RNF213: variants seen among roughly 807,000 people sequenced by gnomAD.
RNF213 encodes the protein ring finger protein 213, also known as E3 ubiquitin-protein ligase RNF213.
A neutral mutation model predicts 514.4 loss-of-function variants in RNF213; 341 were observed. That is an observed-to-expected ratio of 0.66 (90% confidence interval 0.61 to 0.73). The LOEUF is 0.73. Ranked by LOEUF, RNF213 falls within the 30% of genes least tolerant of loss-of-function variation. The probability of loss-of-function intolerance (pLI) is 0.00; values close to 1 mark genes in which losing one functional copy is unlikely to be tolerated. For synonymous variants in RNF213, 2,655 were observed against 2,658.2 expected (o/e 1.00, Z 0.04); for missense variants, 5,767 against 6,615.6 (o/e 0.87, Z 4.45).
chr17:80,364,398 C>CGAGT (rs563890194), intron 41 of RNF213, 35 bp from the exon 42 acceptor site: 36 of 1,613,430 alleles, frequency 2.2e-5, no homozygotes, highest in Middle Eastern at 1.7e-4. Context: ...TGGTGGGAGC[C>CGAGT]GAGTGAGTGA....
intron 57 of RNF213, 55 bp downstream of exon 57, chr17:80,381,782 G>A: frequency 2.0e-6 from 3 of 1,537,802 alleles, no homozygotes; most frequent in Middle Eastern, 1.7e-4. Context: ...GGCAGCGCAA[G>A]CAGGCTCGCT....
chr17:80,286,407 T>C (rs575031878), intron 3 of RNF213, among the ~76,000 whole-genome samples: 67 of 152,052 alleles, frequency 4.4e-4, no homozygotes, highest in Non-Finnish European at 6.2e-4. Flanking sequence ...CCATGTGTGA[T>C]AGAGAAGGGG....
rs770574711 is a variant in RNF213 at position 80,306,360 on chromosome 17, T to C, written c.2319T>C (p.Tyr773=). The C allele has an allele frequency of 2.5e-6, 4 of 1,614,072 alleles. No homozygotes were observed. In the African/African-American group the frequency reaches 4.0e-5, roughly 16 times the overall value. ...TACCTCTGAGTCACCTGGTTATGTA[T>C]ATGGAAAACTTCATTGAGCACCTGG... ...SLLPLSHLVM[Y]MENFIEHLGR... is the part of the protein sequence containing the mutation. Residue 773 remains tyrosine, a synonymous_variant, in exon 12 of 68, where the codon TAT becomes TAC. Coordinates refer to ENST00000582970, the MANE Select transcript of RNF213 (RefSeq NM_001256071.3).
intron 64 of RNF213, 46 bp from the exon 65 acceptor site, chr17:80,389,127 A>G: frequency 6.3e-7 from 1 of 1,589,264 alleles, no homozygotes; most frequent in East Asian, 2.2e-5. Context: ...GTGAGATGCC[A>G]GAAACCCAGC....
At chr17:80,342,787 A>G (rs1193382652) in intron 26 of RNF213, among the ~76,000 whole-genome samples, 1 of 148,046 alleles carries the variant, frequency 6.8e-6, no homozygotes, top group Non-Finnish European at 1.5e-5. Context: ...TTTGAGACAG[A>G]GTTTCGCTCT....
intron 20 of RNF213, among the ~76,000 whole-genome samples, chr17:80,330,275 T>A (rs2046377766): frequency 6.6e-6 from 1 of 152,218 alleles, no homozygotes; most frequent in Admixed American, 6.5e-5. Context: ...TCCTTTCACT[T>A]GTTGATTTGT....
At chr17:80,355,980 C>T (rs1422263462) in intron 36 of RNF213, among the ~76,000 whole-genome samples, 3 of 150,428 alleles carry the variant, frequency 2.0e-5, no homozygotes, top group Admixed American at 6.6e-5. Flanking sequence ...CATTTCCCTC[C>T]GTTCCTCCTT....
chr17:80,311,033 G>A (rs928980863), intron 14 of RNF213, among the ~76,000 whole-genome samples: 5 of 152,164 alleles, frequency 3.3e-5, no homozygotes, highest in Admixed American at 2.0e-4. Flanking sequence ...TATTTAAACC[G>A]CCACAGGCAG....
rs773619642 is a variant in RNF213 at position 80,288,887 on chromosome 17, C to T, written c.933+132C>T. 18 of 1,479,228 alleles carry T rather than the reference C, an allele frequency of 1.2e-5. No homozygotes were observed. Among genetic ancestry groups the T allele is most frequent in the South Asian group, 5.8e-5 (5 of 86,096 alleles). The allele number at this position is 1,479,228 out of a possible 1,614,324, so 91.6% of individuals were successfully genotyped here. Reference sequence around the variant, plus strand: ...ATGATTCAGACAAAGCTCTGGCCTTCGGGGTGCTCACATTCCAGCGGAGAG... The same window carrying T: ...ATGATTCAGACAAAGCTCTGGCCTTTGGGGTGCTCACATTCCAGCGGAGAG... On this transcript the variant is annotated intron_variant, in intron 5 of 67. Transcript: ENST00000582970. This position sits in a 1 kb window ranked among gnomAD's most constrained non-coding sequence, Gnocchi z 4.9.
chr17:80,319,208 A>G lies in RNF213; in HGVS notation c.2920A>G (p.Ile974Val), dbSNP rs766100470. The G allele has an allele frequency of 5.0e-6, 8 of 1,614,212 alleles. No homozygotes were observed. In the Admixed American group the frequency reaches 1.3e-4, roughly 27 times the overall value. ...TTTGCAGGAGGAACCCCTCTCCCAG[A>G]TCACTGCCTACTGCAATAGTTGCTG... ...RLTKEEPLSQ[I>V]TAYCNSCWDT... The change falls in exon 17 of 68, where the codon ATC becomes GTC. Residue 974 changes from isoleucine (I) to valine (V), a missense_variant. This residue lies in a region of RNF213 where 516 missense variants were observed against 566.5 expected (regional missense o/e 0.91). Coordinates refer to ENST00000582970, the MANE Select transcript of RNF213 (RefSeq NM_001256071.3).
In RNF213 at chr17:80,290,726, C is replaced by T. The variant is rs1475572337; in HGVS notation, c.1269C>T (p.Thr423=). The T allele has an allele frequency of 2.5e-6, 4 of 1,613,968 alleles. No homozygotes were observed. The African/African-American group carries it at 5.3e-5, about 22-fold the overall frequency. ...GCAATATCTGTGAGCTGCACTACAC[C>T]AGGTGAGCGTGTCTGTAGGCTTGGG... ...WDSNICELHY[T]RDLGHDRVLV... The change falls in exon 7 of 68, where the codon ACC becomes ACT. Residue 423 remains threonine (T), a splice_region_variant and synonymous_variant. Transcript: ENST00000582970.
chr17:80,321,821 G>GTTCAAGCAAT (rs1361831945), intron 17 of RNF213, among the ~76,000 whole-genome samples: 1 of 151,948 alleles, frequency 6.6e-6, no homozygotes, highest in Non-Finnish European at 1.5e-5. Context: ...CACCTCCTGG[G>GTTCAAGCAAT]TTCAAGCAAT....
chr17:80,334,207 A>C lies in RNF213; in HGVS notation c.4246A>C (p.Lys1416Gln). The change falls in exon 22 of 68, where the codon AAG becomes CAG. Residue 1416 changes from lysine to glutamine, a missense_variant. Coordinates refer to ENST00000582970, the MANE Select transcript of RNF213 (RefSeq NM_001256071.3). Reference protein sequence around the residue: ...LLQDISEARCKGLQALSLRKE... With the variant: ...LLQDISEARCQGLQALSLRKE... ...CCAGGACATCAGCGAGGCCCGGTGCAAGGGGCTGCAGGCTCTGTCCCTGAG... is the reference window on the plus strand; with the variant it reads ...CCAGGACATCAGCGAGGCCCGGTGCCAGGGGCTGCAGGCTCTGTCCCTGAG... 6.5e-7 allele frequency: 1 copy of C among 1,537,240 alleles called. No homozygotes were observed. Among genetic ancestry groups the C allele is most frequent in the Non-Finnish European group, 8.7e-7 (1 of 1,146,892 alleles).
At chr17:80,372,794 G>T in intron 48 of RNF213, 60 bp downstream of exon 48, 1 of 1,532,356 alleles carries the variant, frequency 6.5e-7, no homozygotes, top group Non-Finnish European at 9.0e-7. Context: ...TAGAAATTCA[G>T]GAAGTATGGG....
chr17:80,273,439 C>G (rs1465678766), intron 3 of RNF213, 35 bp downstream of exon 3: 1 of 1,609,246 alleles, frequency 6.2e-7, no homozygotes, highest in East Asian at 2.2e-5. Context: ...TCCGCCCCCG[C>G]TCACTCTGCC....
rs2080404251 is a variant in RNF213, at chr17:80,390,128, C to T, written c.15402C>T (p.His5134=). ...TGLDAFLLEL[H]EMIILKLKNP... ...TAGACGCCTTCCTGCTAGAGCTGCACGAAATGATAATCTTGAAACTAAAGA... is the reference window on the plus strand; with the variant it reads ...TAGACGCCTTCCTGCTAGAGCTGCATGAAATGATAATCTTGAAACTAAAGA... Residue 5134 remains histidine (H), a synonymous_variant, in exon 67 of 68, where the codon CAC becomes CAT. Transcript: ENST00000582970. 4 of 1,614,188 alleles carry T rather than the reference C, an allele frequency of 2.5e-6. No individual in the cohort carries two copies. Among genetic ancestry groups the T allele is most frequent in the African/African-American group, 1.3e-5 (1 of 75,042 alleles).
chr17:80,265,951 G>C (rs549323653), intron 2 of RNF213, among the ~76,000 whole-genome samples: 14 of 152,128 alleles, frequency 9.2e-5, no homozygotes, highest in Non-Finnish European at 1.8e-4. Flanking sequence ...CAAAGGAAGG[G>C]ATCCTTCAAG....
At position 80,294,751 on chromosome 17, in the gene RNF213, G is replaced by A. The variant is rs1329367805; in HGVS notation, c.1503G>A (p.Met501Ile). Residue 501 changes from methionine (M) to isoleucine (I), a missense_variant, in exon 9 of 68, where the codon ATG becomes ATA. By Grantham distance (10) the Met-to-Ile change is conservative. Transcript: ENST00000582970. ...DWHQYYDIVY[M>I]KPHGRLQKVM... ...ATCAGTACTATGACATAGTTTATAT[G>A]AAGCCTCATGGGAGACTCCAGAAAG... 2.5e-6 allele frequency: 4 copies of A among 1,613,922 alleles called. No individual in the cohort carries two copies. Among genetic ancestry groups the A allele is most frequent in the African/African-American group, 2.7e-5 (2 of 74,886 alleles).
chr17:80,332,284 A>G lies in RNF213; in HGVS notation c.3796A>G (p.Arg1266Gly), dbSNP rs1401381228. Residue 1266 changes from arginine (R) to glycine (G), a missense_variant, in exon 21 of 68, where the codon AGG becomes GGG. By Grantham distance (125) the Arg-to-Gly change is moderately radical. Around this residue, in one of 13 missense-constraint regions of RNF213, gnomAD observed 516 missense variants for 566.5 expected, o/e 0.91. Coordinates refer to ENST00000582970, the MANE Select transcript of RNF213 (RefSeq NM_001256071.3). ...LLSEPEEESERHILELEEVYD... is the reference protein window; with the variant it reads ...LLSEPEEESEGHILELEEVYD... ...GAGTGAGCCCGAAGAAGAATCAGAA[A>G]GGCACATCCTTGAGCTTGAAGAGGT... 2.0e-6 allele frequency: 3 copies of G among 1,537,262 alleles called. No homozygotes were observed. The Admixed American group carries it at 5.9e-5, about 30-fold the overall frequency.
Sources: allele counts gnomAD v4.1 joint callset (sites outside exome capture counted in the v4.1 genomes callset), GRCh38; gene constraint gnomAD v4.1.1; regional missense constraint gnomAD v4.1.1; non-coding constraint Gnocchi (gnomAD v3.1); transcripts MANE v1.5; gene names NCBI Gene and HGNC (gene_info 2026-07-23, HGNC 2026-07-21).